FLII: variants seen among roughly 807,000 people sequenced by gnomAD.
FLII encodes protein flightless-1 homolog.
In FLII, 101 loss-of-function variants were observed where a neutral mutation model predicts 156.2. The observed-to-expected ratio is 0.65, with a 90% CI of 0.55 to 0.76. The LOEUF is 0.76. Among genes scored for constraint, FLII ranks in the 30% least tolerant of loss-of-function variants. FLII has a pLI of 0.00. For missense variants in FLII, 1,675 were observed against 1,682.8 expected (o/e 1.00, Z 0.08); for synonymous variants, 767 against 685.8 (o/e 1.12, Z -1.85).
chr17:18,246,581 C>T lies in FLII; in HGVS notation c.3051+13G>A, dbSNP rs374093119. Reference sequence around the variant, plus strand: ...TCCGCCTGGCCTCGGGCTCGCGGGGCTGCCAGGCACACCTCCAGCTTCCCA... The same window carrying T: ...TCCGCCTGGCCTCGGGCTCGCGGGGTTGCCAGGCACACCTCCAGCTTCCCA... On this transcript the variant is annotated intron_variant, in intron 23 of 29. Transcript: ENST00000327031. 6.2e-7 allele frequency: 1 copy of T among 1,613,410 alleles called. No individual in the cohort carries two copies. Among genetic ancestry groups the T allele is most frequent in the East Asian group, 2.2e-5 (1 of 44,880 alleles).
Position 18,249,111 on chromosome 17 carries a change from C to G in FLII, c.1934+16G>C. The G allele has an allele frequency of 6.2e-7, 1 of 1,609,656 alleles. No individual in the cohort carries two copies. The highest frequency in any genetic ancestry group is 8.5e-7 in the Non-Finnish European group (1 of 1,176,228). On this transcript the variant is annotated intron_variant, in intron 16 of 29. Transcript: ENST00000327031. The stretch of plus-strand genomic sequence containing the variant: ...CTGAGGATGAAGCACCCCCACCTCA[C>G]ATTGTTGGGGCTCACCTTGGGTCCA...
intron 3 of FLII, 34 bp from the exon 4 acceptor site, chr17:18,255,297 G>A (rs1457495325): frequency 5.1e-6 from 8 of 1,558,974 alleles, no homozygotes; most frequent in African/African-American, 1.4e-5. Context: ...ATAATTCCTG[G>A]CTTCCACTCT....
At chr17:18,255,452 A>G (rs546037732) in intron 3 of FLII, among the ~76,000 whole-genome samples, 189 bp from the exon 4 acceptor site, 234 of 152,150 alleles carry the variant, frequency 1.5e-3, no homozygotes, top group Non-Finnish European at 2.7e-3. Context: ...GCTCCTATTC[A>G]TGCCTCAAAG....
intron 4 of FLII, 64 bp downstream of exon 4, chr17:18,255,119 T>C (rs773564724): frequency 2.0e-5 from 26 of 1,306,664 alleles, no homozygotes; most frequent in Non-Finnish European, 2.8e-5. Context: ...CAGGGACTTT[T>C]ATAGTGAGTG....
chr17:18,253,899 T>C lies in FLII; in HGVS notation c.679+180A>G, dbSNP rs2142857000. On this transcript the variant is annotated intron_variant, in intron 7 of 29. Transcript: ENST00000327031. The stretch of plus-strand genomic sequence containing the variant: ...CCCTCACATGGGGGTTGCGGGGGAG[T>C]TTTCTAGGCATAAAGTCAGTGTTAA... 5 of 773,898 alleles carry C rather than the reference T, an allele frequency of 6.5e-6. No individual in the cohort carries two copies. The South Asian group carries it at 9.4e-5, about 15-fold the overall frequency. 47.9% of individuals were successfully genotyped at this position (773,898 alleles called of 1,614,324 possible).
chr17:18,254,286 G>A (rs938121887), intron 6 of FLII, 104 bp from the exon 7 acceptor site: 2 of 958,654 alleles, frequency 2.1e-6, no homozygotes, highest in Non-Finnish European at 3.1e-6. Flanking sequence ...GAGGGTAGGT[G>A]TGAGGTCACA....
In FLII at chr17:18,252,059, G is replaced by T; in HGVS notation, c.1186C>A (p.Leu396Met). ...CCCGCTAGCCGCAGCTGGTTCTGCA[G>T]CGAGAAGTCGATGTTGTACCACTCA... is the stretch of plus-strand genomic sequence containing the variant. ...AAEWYNIDFS[L>M]QNQLRLAGAS... Residue 396 changes from leucine (L) to methionine (M), a missense_variant, in exon 11 of 30, where the codon CTG becomes ATG. Coordinates refer to ENST00000327031, the MANE Select transcript of FLII (RefSeq NM_002018.4). 1 of 1,613,352 alleles carries T rather than the reference G, an allele frequency of 6.2e-7. No homozygotes were observed. The highest frequency in any genetic ancestry group is 1.1e-5 in the South Asian group (1 of 91,086).
At chr17:18,251,602 T>C in intron 12 of FLII, 78 bp downstream of exon 12, 5 of 1,600,974 alleles carry the variant, frequency 3.1e-6, no homozygotes, top group Non-Finnish European at 3.4e-6. Flanking sequence ...CCGTCCCTCT[T>C]GGCCAGGGTC....
rs145813372 is a variant in FLII at position 18,256,958 on chromosome 17, C to G, written c.125G>C (p.Arg42Pro). Reference protein sequence around the residue: ...MTSLRWLKLNRTGLCYLPEEL... With the variant: ...MTSLRWLKLNPTGLCYLPEEL... The stretch of plus-strand genomic sequence containing the variant: ...CTCGGGCAGGTAGCAGAGGCCAGTG[C>G]GGTTCAGCTTCAGCCACCGCAGGCT... The change falls in exon 2 of 30, where the codon CGC becomes CCC. Residue 42 changes from arginine (R) to proline (P), a missense_variant. Physicochemically the swap from Arg to Pro is moderately radical, Grantham distance 103. This residue lies in a region of FLII where 343 missense variants were observed against 413.5 expected (regional missense o/e 0.83). Transcript: ENST00000327031. 1 of 1,611,996 alleles carries G rather than the reference C, an allele frequency of 6.2e-7. No homozygotes were observed.
rs2048343329 is a variant in FLII, at chr17:18,253,951, T to C, written c.679+128A>G. On this transcript the variant is annotated intron_variant, in intron 7 of 29. Coordinates refer to ENST00000327031, the MANE Select transcript of FLII (RefSeq NM_002018.4). ...GCATCATCATAATCGCAAAAGTCAC[T>C]GTAACATAACTCCAGCCTTTTCCCT... is the stretch of plus-strand genomic sequence containing the variant. 9 of 799,408 alleles carry C rather than the reference T, an allele frequency of 1.1e-5. No individual in the cohort carries two copies. In the East Asian group the frequency reaches 2.2e-4, roughly 19 times the overall value. 49.5% of individuals were successfully genotyped at this position (799,408 alleles called of 1,614,324 possible).
rs199614785 is a variant in FLII, at chr17:18,245,517, G to A, written c.3609+38C>T. On this transcript the variant is annotated intron_variant, in intron 28 of 29. Transcript: ENST00000327031. ...CCCATTTGTAAGTAAGTCTATGGGC[G>A]CCTCCTTGGATGGGCAGGGCTAGTG... The A allele has an allele frequency of 3.5e-5, 57 of 1,609,792 alleles. No homozygotes were observed. In the East Asian group the frequency reaches 7.8e-4, roughly 22 times the overall value.
intron 9 of FLII, among the ~76,000 whole-genome samples, chr17:18,252,847 T>C (rs573320389): frequency 2.6e-4 from 39 of 152,342 alleles, no homozygotes; most frequent in African/African-American, 8.7e-4. Context: ...GGCATGGGAC[T>C]GTGGTCTTCA....
At chr17:18,247,585 G>A (rs3915676) in intron 20 of FLII, 72 bp downstream of exon 20, 6 of 1,378,240 alleles carry the variant, frequency 4.4e-6, no homozygotes, top group Non-Finnish European at 4.8e-6. Context: ...GGGAGGTAGT[G>A]AAGCCACAGG....
In FLII at chr17:18,247,370, C is replaced by A. The variant is rs759414923; in HGVS notation, c.2488-13G>T. On this transcript the variant is annotated splice_polypyrimidine_tract_variant and intron_variant, in intron 20 of 29. Transcript: ENST00000327031. Reference sequence around the variant, plus strand: ...TGGCCTTGAACACCTGCCAGGGAGGCCATCAACTAACCATGAGGGGTGCGG... The same window carrying A: ...TGGCCTTGAACACCTGCCAGGGAGGACATCAACTAACCATGAGGGGTGCGG... 1 of 1,592,126 alleles carries A rather than the reference C, an allele frequency of 6.3e-7. No individual in the cohort carries two copies. Among genetic ancestry groups the A allele is most frequent in the Non-Finnish European group, 8.5e-7 (1 of 1,169,794 alleles).
intron 1 of FLII, chr17:18,257,340 C>G: frequency 6.2e-6 from 2 of 323,960 alleles, no homozygotes; most frequent in Non-Finnish European, 1.1e-5. Context: ...ATTCCTTCAC[C>G]TAGCATTCCA....
intron 6 of FLII, among the ~76,000 whole-genome samples, 162 bp downstream of exon 6, chr17:18,254,359 G>C (rs574161609): frequency 6.6e-6 from 1 of 152,138 alleles, no homozygotes; most frequent in African/African-American, 2.4e-5. Flanking sequence ...ACAGGACTGA[G>C]AGGTGGACAT....
chr17:18,245,777 T>C lies in FLII; in HGVS notation c.3470A>G (p.Asp1157Gly), dbSNP rs765666149. The change falls in exon 27 of 30, where the codon GAT (aspartate) becomes GGT (glycine). Residue 1157 changes from aspartate (D) to glycine (G), a missense_variant. Asp to Gly is a moderately conservative substitution (Grantham distance 94). Around this residue, in one of 2 missense-constraint regions of FLII, gnomAD observed 1,332 missense variants for 1,269.3 expected, o/e 1.05. Transcript: ENST00000327031. ...GIGAQKPYDD[D>G]AEYMKHTRLF... The stretch of plus-strand genomic sequence containing the variant: ...ACGTGTGTGTTTCATGTACTCGGCA[T>C]CGTCATCATAGGGCTTCTGTGCCCC... 2.1e-5 allele frequency: 34 copies of C among 1,613,986 alleles called. No individual in the cohort carries two copies. Among genetic ancestry groups the C allele is most frequent in the Non-Finnish European group, 2.9e-5 (34 of 1,179,988 alleles).
At chr17:18,256,476 C>G (rs186690647) in intron 3 of FLII, 50 bp downstream of exon 3, 3 of 1,456,986 alleles carry the variant, frequency 2.1e-6, no homozygotes, top group Admixed American at 3.9e-5. Context: ...CGTCCCTGAC[C>G]GGACCTTGGC....
In FLII at chr17:18,245,549, T is replaced by A; in HGVS notation, c.3609+6A>T. 6.2e-7 allele frequency: 1 copy of A among 1,613,440 alleles called. No individual in the cohort carries two copies. Among genetic ancestry groups the A allele is most frequent in the Middle Eastern group, 1.6e-4 (1 of 6,062 alleles). ...TGGATGGGCAGGGCTAGTGGCAACA[T>A]CACACCTCTTGGCCATTGTCTAGCA... is the stretch of plus-strand genomic sequence containing the variant. On this transcript the variant is annotated splice_donor_region_variant and intron_variant, in intron 28 of 29. Coordinates refer to ENST00000327031, the MANE Select transcript of FLII (RefSeq NM_002018.4).
Sources: allele counts gnomAD v4.1 joint callset (sites outside exome capture counted in the v4.1 genomes callset), GRCh38; gene constraint gnomAD v4.1.1; regional missense constraint gnomAD v4.1.1; transcripts MANE v1.5; gene names NCBI Gene and HGNC (gene_info 2026-07-23, HGNC 2026-07-21).